The following KCNIP1 variants were observed in gnomAD, a reference collection of about 807,000 sequenced individuals.
The protein encoded by KCNIP1 is A-type potassium channel modulatory protein KCNIP1.
KCNIP1 carries 18 observed loss-of-function variants against 33.0 expected under a neutral mutation model. The observed-to-expected ratio is 0.55, with a 90% CI of 0.38 to 0.81. The LOEUF is 0.81. Among genes scored for constraint, KCNIP1 ranks in the 30% least tolerant of loss-of-function variants. The pLI is 0.00. For missense variants in KCNIP1, 238 were observed against 271.6 expected (o/e 0.88, Z 0.87); for synonymous variants, 93 against 98.3 (o/e 0.95, Z 0.32).
chr5:170,606,855 T>G (rs939183738), intron 1 of KCNIP1, among the ~76,000 whole-genome samples: 1 of 152,240 alleles, frequency 6.6e-6, no homozygotes, highest in East Asian at 1.9e-4. Flanking sequence ...TCTGCTGCTC[T>G]GGTTCCCCTC....
At chr5:170,469,847 T>G (rs914530254) in intron 1 of KCNIP1, among the ~76,000 whole-genome samples, 6 of 152,240 alleles carry the variant, frequency 3.9e-5, no homozygotes, top group African/African-American at 1.4e-4. Context: ...ACTTGATTCA[T>G]GGATAAAACC....
intron 1 of KCNIP1, among the ~76,000 whole-genome samples, chr5:170,360,663 G>C (rs994193334): frequency 7.2e-5 from 11 of 152,164 alleles, no homozygotes; most frequent in Non-Finnish European, 1.5e-4. Flanking sequence ...TTGATGACAA[G>C]TTCTATAATT....
intron 1 of KCNIP1, among the ~76,000 whole-genome samples, chr5:170,602,344 G>A (rs775748913): frequency 6.6e-6 from 1 of 152,310 alleles, no homozygotes; most frequent in African/African-American, 2.4e-5. Context: ...AAATCCCACC[G>A]CTGGGCCTCA....
chr5:170,629,685 C>T (rs915238211), intron 1 of KCNIP1, among the ~76,000 whole-genome samples: 2 of 152,154 alleles, frequency 1.3e-5, no homozygotes, highest in African/African-American at 4.8e-5. Context: ...CTGGCCCTGA[C>T]GCCCTCCTCT....
chr5:170,642,667 A>G (rs1188691693), intron 1 of KCNIP1, among the ~76,000 whole-genome samples: 1 of 152,168 alleles, frequency 6.6e-6, no homozygotes, highest in Non-Finnish European at 1.5e-5. Context: ...ATCCCACTCT[A>G]TTTGTTAAAC....
intron 1 of KCNIP1, among the ~76,000 whole-genome samples, chr5:170,415,973 C>G (rs1468271700): frequency 1.3e-5 from 2 of 152,088 alleles, no homozygotes; most frequent in Non-Finnish European, 2.9e-5. Flanking sequence ...TGGAAGGCTG[C>G]TGGGGAGGAG....
At chr5:170,606,171 C>T (rs1445550649) in intron 1 of KCNIP1, among the ~76,000 whole-genome samples, 2 of 152,212 alleles carry the variant, frequency 1.3e-5, no homozygotes, top group Admixed American at 1.3e-4. Flanking sequence ...GATTGTCTCA[C>T]ATTTTGACCA....
At chr5:170,698,758 TG>T (rs2113831517) in intron 1 of KCNIP1, among the ~76,000 whole-genome samples, 1 of 152,306 alleles carries the variant, frequency 6.6e-6, no homozygotes, top group South Asian at 2.1e-4. Context: ...TGTTAGTCAT[TG>T]TTTAATCTTT....
intron 1 of KCNIP1, among the ~76,000 whole-genome samples, chr5:170,589,953 G>A (rs907628942): frequency 6.6e-6 from 1 of 152,156 alleles, no homozygotes; most frequent in African/African-American, 2.4e-5. Flanking sequence ...GGCTTTGGGT[G>A]GTGACTTCAT....
At chr5:170,721,059 T>G (rs951998974) in intron 3 of KCNIP1, among the ~76,000 whole-genome samples, 4 of 152,210 alleles carry the variant, frequency 2.6e-5, no homozygotes, top group Non-Finnish European at 5.9e-5. Context: ...ATGTGTCACA[T>G]GCCACTTTGC....
At chr5:170,654,930 T>C (rs1761201306) in intron 1 of KCNIP1, among the ~76,000 whole-genome samples, 1 of 152,220 alleles carries the variant, frequency 6.6e-6, no homozygotes, top group African/African-American at 2.4e-5. Flanking sequence ...CATAAAACCA[T>C]TACTTTGGAG....
intron 1 of KCNIP1, among the ~76,000 whole-genome samples, chr5:170,430,891 A>T (rs1232850732): frequency 1.3e-5 from 2 of 152,210 alleles, no homozygotes; most frequent in Non-Finnish European, 2.9e-5. Flanking sequence ...ATGAGCGGCC[A>T]GCCTGCCTCC....
intron 1 of KCNIP1, among the ~76,000 whole-genome samples, chr5:170,443,180 AG>A (rs1281365846): frequency 1.3e-5 from 2 of 152,054 alleles, no homozygotes; most frequent in Non-Finnish European, 2.9e-5. Flanking sequence ...GGCACAGCTG[AG>A]TGATAAGTTG....
At chr5:170,576,605 A>C (rs990517919) in intron 1 of KCNIP1, among the ~76,000 whole-genome samples, 2 of 152,350 alleles carry the variant, frequency 1.3e-5, no homozygotes, top group East Asian at 3.9e-4. Context: ...CCCATGATTT[A>C]TTAGCCACTC....
chr5:170,721,174 CT>C (rs908787613), intron 3 of KCNIP1, among the ~76,000 whole-genome samples: 32 of 152,276 alleles, frequency 2.1e-4, no homozygotes, highest in African/African-American at 7.5e-4. Context: ...TCTCATGGGC[CT>C]TTTTGGCAGC....
intron 1 of KCNIP1, among the ~76,000 whole-genome samples, chr5:170,473,251 G>C (rs1323657372): frequency 6.6e-6 from 1 of 152,068 alleles, no homozygotes; most frequent in African/African-American, 2.4e-5. Context: ...GTTTATAATT[G>C]ACATTTATTA....
intron 1 of KCNIP1, among the ~76,000 whole-genome samples, chr5:170,656,873 G>T (rs1196521572): frequency 1.3e-5 from 2 of 152,156 alleles, no homozygotes; most frequent in Non-Finnish European, 2.9e-5. Flanking sequence ...GGCTCCCGCT[G>T]TGGCCCTCAC....
intron 1 of KCNIP1, among the ~76,000 whole-genome samples, chr5:170,663,365 G>A (rs1761571965): frequency 6.6e-6 from 1 of 152,114 alleles, no homozygotes; most frequent in Admixed American, 6.5e-5. Context: ...TGCTGAAGCT[G>A]GTGCATGCCA....
chr5:170,563,641 T>G (rs1223412387), intron 1 of KCNIP1, among the ~76,000 whole-genome samples: 1 of 47,104 alleles, frequency 2.1e-5, no homozygotes, highest in Non-Finnish European at 4.9e-5. Context: ...TGTTTTTTTT[T>G]TTGTTTGTTT....
Sources: gnomAD v4.1 joint callset for allele counts (sites outside exome capture counted in the v4.1 genomes callset) on GRCh38, gnomAD v4.1.1 for gene constraint, MANE v1.5 for transcripts, NCBI Gene and HGNC (gene_info 2026-07-23, HGNC 2026-07-21) for gene names.